CSMD1: variants seen among roughly 807,000 people sequenced by gnomAD.
CSMD1 encodes the protein CUB and Sushi multiple domains 1.
CSMD1 carries 213 observed loss-of-function variants against 417.5 expected under a neutral mutation model. The ratio of observed to expected loss-of-function variants is 0.51; its 90% CI spans 0.46 to 0.57. The LOEUF is 0.57. Ranked by LOEUF, CSMD1 falls within the 20% of genes least tolerant of loss-of-function variation. The pLI, the probability that CSMD1 is intolerant of heterozygous loss-of-function variation, is 0.00. For missense variants in CSMD1, 6,923 were observed against 4,529.7 expected, an observed-to-expected ratio of 1.53 and a Z score of -15.17; for synonymous variants, 2,862 against 1,736.8, an observed-to-expected ratio of 1.65 and a Z score of -16.11.
chr8:4,149,716 A>T (rs2131048898), intron 3 of CSMD1, among the ~76,000 whole-genome samples: 1 of 152,330 alleles, frequency 6.6e-6, no homozygotes, highest in East Asian at 1.9e-4. Context: ...GCTCCAACAG[A>T]AACATTTTCC....
At chr8:3,752,656 G>A (rs1797405805) in intron 6 of CSMD1, among the ~76,000 whole-genome samples, 1 of 117,630 alleles carries the variant, frequency 8.5e-6, no homozygotes, top group Admixed American at 1.1e-4. Context: ...TCTGTCCACT[G>A]CCACCCACTC....
chr8:4,926,629 T>C (rs1296922209), intron 1 of CSMD1, among the ~76,000 whole-genome samples: 1 of 152,244 alleles, frequency 6.6e-6, no homozygotes, highest in Non-Finnish European at 1.5e-5. Flanking sequence ...ATATAGTTCC[T>C]TAATTCTTGA....
At chr8:4,462,841 TAAG>T (rs1339900271) in intron 2 of CSMD1, among the ~76,000 whole-genome samples, 10 of 152,060 alleles carry the variant, frequency 6.6e-5, no homozygotes, top group Non-Finnish European at 1.5e-4. Context: ...GACCCAAATG[TAAG>T]AAGTGCAGCT....
chr8:3,142,926 A>G (rs1283512081), intron 40 of CSMD1, among the ~76,000 whole-genome samples: 1 of 152,032 alleles, frequency 6.6e-6, no homozygotes, highest in Admixed American at 6.5e-5. Context: ...TGAAATATGA[A>G]TATTACCAGC....
chr8:4,406,772 A>G (rs1276050404), intron 3 of CSMD1, among the ~76,000 whole-genome samples: 2 of 152,228 alleles, frequency 1.3e-5, no homozygotes, highest in East Asian at 1.9e-4. Context: ...ATAATTTACT[A>G]GAACTCCTGA....
intron 7 of CSMD1, among the ~76,000 whole-genome samples, chr8:3,677,584 G>C (rs114475220): frequency 6.6e-6 from 1 of 152,108 alleles, no homozygotes; most frequent in Non-Finnish European, 1.5e-5. Context: ...TTAGATTCAC[G>C]AAAGCCTAAG....
At chr8:4,955,399 T>C (rs968723685) in intron 1 of CSMD1, among the ~76,000 whole-genome samples, 1 of 152,126 alleles carries the variant, frequency 6.6e-6, no homozygotes, top group South Asian at 2.1e-4. Context: ...TTGAGATTAT[T>C]GATGCCTACT....
chr8:4,066,554 A>G (rs907255482), intron 3 of CSMD1, among the ~76,000 whole-genome samples: 1 of 152,190 alleles, frequency 6.6e-6, no homozygotes, highest in Non-Finnish European at 1.5e-5. Flanking sequence ...TTACCATTAA[A>G]GACTTGTTAC....
intron 4 of CSMD1, among the ~76,000 whole-genome samples, chr8:4,006,528 G>C (rs1464360067): frequency 1.3e-5 from 2 of 152,202 alleles, no homozygotes; most frequent in African/African-American, 4.8e-5. Context: ...GAGCGACAGA[G>C]TGAGGCCTTG....
At chr8:4,459,110 C>A (rs575426375) in intron 2 of CSMD1, among the ~76,000 whole-genome samples, 32 of 152,320 alleles carry the variant, frequency 2.1e-4, no homozygotes, top group Admixed American at 1.1e-3. Context: ...ACGCTTCTAA[C>A]CAGGAGGGTC....
At chr8:3,893,779 T>G (rs1182381920) in intron 5 of CSMD1, among the ~76,000 whole-genome samples, 1 of 152,132 alleles carries the variant, frequency 6.6e-6, no homozygotes, top group Non-Finnish European at 1.5e-5. Flanking sequence ...CTATCTTCAG[T>G]AAGGAATTTC....
chr8:3,692,170 C>G (rs1428135774), intron 7 of CSMD1, among the ~76,000 whole-genome samples: 1 of 152,224 alleles, frequency 6.6e-6, no homozygotes, highest in East Asian at 1.9e-4. Flanking sequence ...GGCCCTACAA[C>G]ATTGTTTCTC....
chr8:4,017,079 A>G (rs1796558320), intron 4 of CSMD1, among the ~76,000 whole-genome samples: 2 of 152,232 alleles, frequency 1.3e-5, no homozygotes, highest in Non-Finnish European at 2.9e-5. Flanking sequence ...AGACTTCAGA[A>G]TGTACTCAGT....
chr8:4,067,932 C>T (rs761356218), intron 3 of CSMD1, among the ~76,000 whole-genome samples: 4 of 152,066 alleles, frequency 2.6e-5, no homozygotes, highest in African/African-American at 9.7e-5. Flanking sequence ...CAAAAATTAA[C>T]TGGGCATGGT....
At chr8:4,931,215 C>A (rs1011758669) in intron 1 of CSMD1, among the ~76,000 whole-genome samples, 1 of 152,102 alleles carries the variant, frequency 6.6e-6, no homozygotes, top group Non-Finnish European at 1.5e-5. Context: ...ATAACTCACT[C>A]CCCTTTTTTT....
At chr8:4,846,836 G>A (rs576837315) in intron 1 of CSMD1, among the ~76,000 whole-genome samples, 58 of 152,018 alleles carry the variant, frequency 3.8e-4, no homozygotes, top group African/African-American at 1.3e-3. Context: ...ATATATATGC[G>A]TATATTTATA....
chr8:3,448,347 GGAAGGAAGAAGGAAGA>G (rs1563399896), intron 12 of CSMD1, among the ~76,000 whole-genome samples: 2 of 53,308 alleles, frequency 3.8e-5, no homozygotes, highest in East Asian at 5.3e-4. Flanking sequence ...GAGGGAGGGA[GGAAGGAAGAAGGAAGA>G]AGGGAGGAAG....
intron 3 of CSMD1, among the ~76,000 whole-genome samples, chr8:4,067,994 C>G (rs1799341265): frequency 6.6e-6 from 1 of 152,002 alleles, no homozygotes; most frequent in Non-Finnish European, 1.5e-5. Flanking sequence ...GGAGAATCAC[C>G]TGAACCCTGA....
At chr8:4,680,909 G>GCA (rs140395393) in intron 1 of CSMD1, among the ~76,000 whole-genome samples, 9,754 of 146,716 alleles carry the variant, frequency 0.066, 378 homozygotes, top group African/African-American at 0.11. Context: ...GATATGATAA[G>GCA]CACACACACA....
Sources: allele counts gnomAD v4.1 joint callset (sites outside exome capture counted in the v4.1 genomes callset), GRCh38; gene constraint gnomAD v4.1.1; transcripts MANE v1.5; gene names NCBI Gene and HGNC (gene_info 2026-07-23, HGNC 2026-07-21).